EIF5B: variants seen among roughly 807,000 people sequenced by gnomAD.
EIF5B encodes the protein eIF-5B.
A neutral mutation model predicts 147.5 loss-of-function variants in EIF5B; 47 were observed. The ratio of observed to expected loss-of-function variants is 0.32; its 90% CI spans 0.25 to 0.41. The LOEUF is 0.41. Among genes scored for constraint, EIF5B ranks in the 10% least tolerant of loss-of-function variants. The probability of loss-of-function intolerance (pLI) is 1.00; values close to 1 mark genes in which losing one functional copy is unlikely to be tolerated. For missense variants in EIF5B, 1,064 were observed against 1,413.2 expected, an observed-to-expected ratio of 0.75 and a Z score of 3.96; for synonymous variants, 455 against 456.2, an observed-to-expected ratio of 1.00 and a Z score of 0.03.
intron 12 of EIF5B, 84 bp downstream of exon 12, chr2:99,379,512 C>A: frequency 9.6e-7 from 1 of 1,044,760 alleles, no homozygotes; most frequent in Non-Finnish European, 1.4e-6. Context: ...AGGACAGAGA[C>A]TAGGATAACA....
chr2:99,354,843 C>G (rs1674060874), intron 1 of EIF5B, among the ~76,000 whole-genome samples: 1 of 147,656 alleles, frequency 6.8e-6, no homozygotes, highest in South Asian at 2.1e-4. Flanking sequence ...CCGTCTGTCA[C>G]CCAGGCCGTA....
intron 1 of EIF5B, chr2:99,338,323 A>T: frequency 1.6e-6 from 2 of 1,289,046 alleles, no homozygotes; most frequent in Non-Finnish European, 2.0e-6. Context: ...TTACCTAGAG[A>T]TTTTTGAGAC....
rs750690880 is a variant in EIF5B at position 99,342,944 on chromosome 2, TTTTCTTTC to T, written c.35+5375_35+5382del. On this transcript the variant is annotated intron_variant, in intron 1 of 23. Transcript: ENST00000289371. ...CCACTGTGCCTGGCCTGGGTTGTCT[TTTTCTTTC>T]TTTCTTTCTTTCTTTCTTTTTTTTT... is the stretch of plus-strand genomic sequence containing the variant. Among the ~76,000 whole-genome samples, 209 of 151,170 alleles carry T rather than the reference TTTTCTTTC, an allele frequency of 1.4e-3. 1 individual carries two copies. Among genetic ancestry groups the T allele is most frequent in the African/African-American group, 4.4e-3 (181 of 41,226 alleles).
intron 9 of EIF5B, among the ~76,000 whole-genome samples, chr2:99,373,085 T>C (rs1429205718): frequency 6.6e-6 from 1 of 152,222 alleles, no homozygotes; most frequent in African/African-American, 2.4e-5. Flanking sequence ...TTGACTCTTT[T>C]ATCATTGATA....
chr2:99,346,963 C>T (rs1174685082), intron 1 of EIF5B, among the ~76,000 whole-genome samples: 1 of 151,898 alleles, frequency 6.6e-6, no homozygotes, highest in Admixed American at 6.6e-5. Context: ...TAAATATAAA[C>T]TTGTATCTCT....
chr2:99,352,784 AAC>A (rs1431104103), intron 1 of EIF5B, among the ~76,000 whole-genome samples: 4 of 151,700 alleles, frequency 2.6e-5, no homozygotes, highest in African/African-American at 4.8e-5. Flanking sequence ...CTATTTTGTT[AAC>A]AGTGTCTTTT....
At chr2:99,390,076 T>G in intron 15 of EIF5B, 143 bp from the exon 16 acceptor site, 1 of 1,093,668 alleles carries the variant, frequency 9.1e-7, no homozygotes, top group Non-Finnish European at 1.3e-6. Flanking sequence ...AGTTAATGCT[T>G]ATAGGATATA....
intron 1 of EIF5B, among the ~76,000 whole-genome samples, chr2:99,353,461 T>A (rs1674021826): frequency 6.6e-6 from 1 of 152,234 alleles, no homozygotes; most frequent in Non-Finnish European, 1.5e-5. Context: ...GCCCAGCCAT[T>A]ACACAGATAA....
chr2:99,361,587 C>T lies in EIF5B; in HGVS notation c.686C>T (p.Ala229Val). The change falls in exon 4 of 24, where the codon GCC becomes GTC. Residue 229 changes from alanine to valine, a missense_variant. Physicochemically the swap from Ala to Val is moderately conservative, Grantham distance 64. Around this residue, in one of 4 missense-constraint regions of EIF5B, gnomAD observed 458 missense variants for 451.3 expected, o/e 1.01. Coordinates refer to ENST00000289371, the MANE Select transcript of EIF5B (RefSeq NM_015904.4). ...GCCTCCTTCAAAATTAAGACAGTGGCCCAAAAGAAGGCAGAAAAGAAGGAG... is the reference window on the plus strand; with the variant it reads ...GCCTCCTTCAAAATTAAGACAGTGGTCCAAAAGAAGGCAGAAAAGAAGGAG... The part of the protein sequence containing the change: ...DDASFKIKTV[A>V]QKKAEKKERE... 1 of 1,605,390 alleles carries T rather than the reference C, an allele frequency of 6.2e-7. No homozygotes were observed. Among genetic ancestry groups the T allele is most frequent in the East Asian group, 2.2e-5 (1 of 44,810 alleles).
chr2:99,390,426 T>TA, intron 16 of EIF5B, 25 bp downstream of exon 16: 8 of 1,522,104 alleles, frequency 5.3e-6, no homozygotes, highest in Non-Finnish European at 7.0e-6. Context: ...TTCAGTTTAT[T>TA]GTTTTTTTTT....
At chr2:99,382,114 A>G (rs758401750) in intron 12 of EIF5B, 45 bp from the exon 13 acceptor site, 32 of 1,529,418 alleles carry the variant, frequency 2.1e-5, no homozygotes, top group African/African-American at 2.7e-5. Context: ...AGAAGCTTTC[A>G]TGTCTGACTT....
At chr2:99,392,897 C>A (rs1185734009) in intron 17 of EIF5B, 70 bp from the exon 18 acceptor site, 2 of 1,290,286 alleles carry the variant, frequency 1.6e-6, no homozygotes, top group African/African-American at 3.0e-5. Flanking sequence ...TGATGAGATT[C>A]TCTTATATCA....
chr2:99,337,602 T>TGGGTCC lies in EIF5B; in HGVS notation c.35+15_35+20dup. On this transcript the variant is annotated intron_variant, in intron 1 of 23. Transcript: ENST00000289371. ...AGAGCGAAGACAGGTAGATAGGGGT[T>TGGGTCC]GGGTCCGTACGGCGGCGGCCGCCGT... 1 of 1,610,526 alleles carries TGGGTCC rather than the reference T, an allele frequency of 6.2e-7. No individual in the cohort carries two copies.
At chr2:99,341,620 G>A (rs929771197) in intron 1 of EIF5B, among the ~76,000 whole-genome samples, 5 of 152,172 alleles carry the variant, frequency 3.3e-5, no homozygotes, top group African/African-American at 1.2e-4. Flanking sequence ...TCTGGTCCTA[G>A]ACTCCTTTAC....
At chr2:99,385,281 G>C (rs1307580138) in intron 14 of EIF5B, among the ~76,000 whole-genome samples, 1 of 152,248 alleles carries the variant, frequency 6.6e-6, no homozygotes, top group African/African-American at 2.4e-5. Flanking sequence ...CCGAGCTCAG[G>C]TGATCTGCCT....
chr2:99,362,964 C>T (rs921293001), intron 4 of EIF5B, among the ~76,000 whole-genome samples: 2 of 151,736 alleles, frequency 1.3e-5, no homozygotes, highest in African/African-American at 2.4e-5. Flanking sequence ...TCGTCATGTT[C>T]GCCAGGCTGG....
At chr2:99,346,727 C>A (rs998721719) in intron 1 of EIF5B, among the ~76,000 whole-genome samples, 1 of 150,988 alleles carries the variant, frequency 6.6e-6, no homozygotes, top group Admixed American at 6.6e-5. Flanking sequence ...CCCGCCACCA[C>A]GCCCAGATAA....
intron 14 of EIF5B, among the ~76,000 whole-genome samples, chr2:99,389,067 A>G (rs1247356876): frequency 6.6e-6 from 1 of 152,216 alleles, no homozygotes; most frequent in African/African-American, 2.4e-5. Flanking sequence ...TGCTAATTTT[A>G]ACATCTTCGT....
At chr2:99,372,192 C>G (rs145690094) in intron 9 of EIF5B, among the ~76,000 whole-genome samples, 1 of 152,096 alleles carries the variant, frequency 6.6e-6, no homozygotes, top group East Asian at 1.9e-4. Context: ...ATATCTGGCT[C>G]TTTGATTTTT....
Sources: allele counts gnomAD v4.1 joint callset (sites outside exome capture counted in the v4.1 genomes callset), GRCh38; gene constraint gnomAD v4.1.1; regional missense constraint gnomAD v4.1.1; transcripts MANE v1.5; gene names NCBI Gene and HGNC (gene_info 2026-07-23, HGNC 2026-07-21).